Variants in ZBTB16 observed in about 807,000 individuals in gnomAD.
ZBTB16 encodes the protein zinc finger and BTB domain containing 16.
A neutral mutation model predicts 56.8 loss-of-function variants in ZBTB16; 8 were observed. The ratio of observed to expected loss-of-function variants is 0.14; its 90% CI spans 0.08 to 0.25. ZBTB16 has a LOEUF of 0.25. Ranked by LOEUF, ZBTB16 falls within the 10% of genes least tolerant of loss-of-function variation. The pLI is 1.00. For synonymous variants in ZBTB16, 363 were observed against 368.5 expected (o/e 0.98, Z 0.17); for missense variants, 625 against 903.0 (o/e 0.69, Z 3.95).
At chr11:114,204,341 T>C (rs541290109) in intron 4 of ZBTB16, among the ~76,000 whole-genome samples, 49 of 152,268 alleles carry the variant, frequency 3.2e-4, no homozygotes, top group African/African-American at 1.1e-3. Flanking sequence ...GGTTTCACCA[T>C]GTTGGCCAGG....
chr11:114,064,339 A>G lies in ZBTB16; in HGVS notation c.1039A>G (p.Ser347Gly), dbSNP rs1939026808. The G allele has an allele frequency of 6.2e-7, 1 of 1,613,914 alleles. No homozygotes were observed. The highest frequency in any genetic ancestry group is 8.5e-7 in the Non-Finnish European group (1 of 1,180,022). The change falls in exon 2 of 7, where the codon AGC becomes GGC. Residue 347 changes from serine (S) to glycine (G), a missense_variant. Ser to Gly is a moderately conservative substitution (Grantham distance 56). Transcript: ENST00000335953. The surrounding 1 kb of genome is among the most constrained non-coding windows in gnomAD (Gnocchi z 4.2). ...LPNHKADAVL[S>G]MPSSVTSGLH... Reference sequence around the variant, plus strand: ...CAACCACAAGGCTGACGCTGTATTGAGCATGCCGTCTTCCGTGACCTCTGG... The same window carrying G: ...CAACCACAAGGCTGACGCTGTATTGGGCATGCCGTCTTCCGTGACCTCTGG...
At chr11:114,094,344 A>G (rs1940303012) in intron 2 of ZBTB16, among the ~76,000 whole-genome samples, 1 of 152,238 alleles carries the variant, frequency 6.6e-6, no homozygotes, top group South Asian at 2.1e-4. Context: ...AACATTAAAA[A>G]ATTGACTTTT....
chr11:114,097,248 A>G (rs1940450708), intron 2 of ZBTB16, among the ~76,000 whole-genome samples: 1 of 152,222 alleles, frequency 6.6e-6, no homozygotes, highest in Non-Finnish European at 1.5e-5. Context: ...CTGTGCTTAT[A>G]TAAAGCAAAT....
At chr11:114,091,543 T>C (rs1334401392) in intron 2 of ZBTB16, among the ~76,000 whole-genome samples, 2 of 151,972 alleles carry the variant, frequency 1.3e-5, no homozygotes, top group African/African-American at 4.8e-5. Context: ...GTGAGGGTGG[T>C]TGCCACTTCT....
At chr11:114,203,074 A>C (rs1943772072) in intron 4 of ZBTB16, among the ~76,000 whole-genome samples, 1 of 152,386 alleles carries the variant, frequency 6.6e-6, no homozygotes, top group Middle Eastern at 3.4e-3. Flanking sequence ...CAGCTGATGC[A>C]TGGATATACA....
chr11:114,097,036 G>T (rs562801819), intron 2 of ZBTB16, among the ~76,000 whole-genome samples: 70 of 152,184 alleles, frequency 4.6e-4, no homozygotes, highest in South Asian at 1.2e-3. Context: ...GCCAAAAGGT[G>T]GAAATAATTC....
intron 2 of ZBTB16, among the ~76,000 whole-genome samples, chr11:114,094,503 TG>T (rs957676440): frequency 2.8e-4 from 42 of 152,172 alleles, no homozygotes; most frequent in African/African-American, 9.9e-4. Context: ...TGTGGCTGTT[TG>T]GGTGGCATCC....
In ZBTB16 at chr11:114,059,870, C is replaced by T. The variant is rs1009469569; in HGVS notation, c.-103C>T. ...GCACGCACACCCACCCCACAGTGCC[C>T]GGCTCGGCTGCGGTGAGTGAGGGGC... On this transcript the variant is annotated 5_prime_UTR_variant, in exon 1 of 7. Coordinates refer to ENST00000335953, the MANE Select transcript of ZBTB16 (RefSeq NM_006006.6). The surrounding 1 kb of genome is among the most constrained non-coding windows in gnomAD (Gnocchi z 5.3). The T allele has an allele frequency of 1.0e-5, 4 of 397,476 alleles. No individual in the cohort carries two copies. Among genetic ancestry groups the T allele is most frequent in the Admixed American group, 4.4e-5 (1 of 22,672 alleles). 24.6% of individuals were successfully genotyped at this position (397,476 alleles called of 1,614,324 possible).
intron 4 of ZBTB16, among the ~76,000 whole-genome samples, chr11:114,209,052 A>G (rs1943946132): frequency 1.3e-5 from 2 of 152,148 alleles, no homozygotes; most frequent in Admixed American, 1.3e-4. Context: ...AGAACCAACC[A>G]CTTGTGCAGG....
chr11:114,153,276 T>A (rs1319239168), intron 2 of ZBTB16, among the ~76,000 whole-genome samples: 4 of 152,202 alleles, frequency 2.6e-5, no homozygotes, highest in African/African-American at 9.7e-5. Flanking sequence ...GTGAGGTTGT[T>A]CCCTTTTTCT....
At chr11:114,240,814 G>C (rs1230702464) in intron 4 of ZBTB16, among the ~76,000 whole-genome samples, 1 of 152,192 alleles carries the variant, frequency 6.6e-6, no homozygotes, top group Non-Finnish European at 1.5e-5. Flanking sequence ...CAGCCAGTTA[G>C]AATTAAATGA....
At position 114,250,174 on chromosome 11, in the gene ZBTB16, T is replaced by G. The variant is rs1591816420; in HGVS notation, c.1793-152T>G. On this transcript the variant is annotated intron_variant, in intron 6 of 6. Coordinates refer to ENST00000335953, the MANE Select transcript of ZBTB16 (RefSeq NM_006006.6). The surrounding 1 kb of genome is among the most constrained non-coding windows in gnomAD (Gnocchi z 6.0). The stretch of plus-strand genomic sequence containing the variant: ...AGCCATGTGTGACTGGTGGCTGCCG[T>G]CTTGGGTGGTGCCTTCATTGTCCCA... 2.6e-6 allele frequency: 2 copies of G among 780,336 alleles called. No homozygotes were observed. Among genetic ancestry groups the G allele is most frequent in the Non-Finnish European group, 4.4e-6 (2 of 454,772 alleles). The allele number at this position is 780,336 out of a possible 1,614,324, so 48.3% of individuals were successfully genotyped here. A position where few individuals can be genotyped will look rare whatever the true frequency, so the allele number is the denominator to read the frequency against.
chr11:114,244,809 G>A (rs2135205593), intron 5 of ZBTB16, among the ~76,000 whole-genome samples: 1 of 152,158 alleles, frequency 6.6e-6, no homozygotes, highest in Non-Finnish European at 1.5e-5. Context: ...AAATTGTTAG[G>A]GACCCCTCTG....
rs56678900 is a variant in ZBTB16 at position 114,147,692 on chromosome 11, A to G, written c.1269-8645A>G. The stretch of plus-strand genomic sequence containing the variant: ...CAACTTTTCTGGTCTCTTAAAAGAA[A>G]AAGAAAAAGAAAAAACTACAAAAGT... On this transcript the variant is annotated intron_variant, in intron 2 of 6. Coordinates refer to ENST00000335953, the MANE Select transcript of ZBTB16 (RefSeq NM_006006.6). Among the ~76,000 whole-genome samples the G allele has an allele frequency of 6.7e-3, 1,020 of 152,326 alleles. 9 individuals are homozygous for G. The highest frequency in any genetic ancestry group is 0.023 in the African/African-American group (936 of 41,562).
chr11:114,132,015 G>C (rs972299865), intron 2 of ZBTB16, among the ~76,000 whole-genome samples: 2 of 152,062 alleles, frequency 1.3e-5, no homozygotes, highest in African/African-American at 4.8e-5. Context: ...GTGAAAGGGG[G>C]AGCGGCGGAA....
At chr11:114,157,120 C>T (rs2134960401) in intron 3 of ZBTB16, among the ~76,000 whole-genome samples, 1 of 152,280 alleles carries the variant, frequency 6.6e-6, no homozygotes, top group South Asian at 2.1e-4. Flanking sequence ...CCCTTGCCTT[C>T]CAACCTTGGA....
chr11:114,194,525 CT>C (rs1463178240), intron 4 of ZBTB16, among the ~76,000 whole-genome samples: 2 of 152,154 alleles, frequency 1.3e-5, no homozygotes, highest in Admixed American at 6.5e-5. Flanking sequence ...ACAACGAAGG[CT>C]TTGAGGAGAT....
chr11:114,075,694 C>T (rs1045634867), intron 2 of ZBTB16, among the ~76,000 whole-genome samples: 8 of 151,256 alleles, frequency 5.3e-5, no homozygotes, highest in African/African-American at 2.0e-4. Context: ...TGGTCTTGAA[C>T]TCCCGACCTC....
intron 2 of ZBTB16, among the ~76,000 whole-genome samples, chr11:114,147,381 T>A (rs1313717064): frequency 2.6e-5 from 4 of 152,248 alleles, no homozygotes; most frequent in African/African-American, 9.6e-5. Flanking sequence ...AGGAAAAGTC[T>A]GTAGCTTTTT....
Sources: allele counts gnomAD v4.1 joint callset (sites outside exome capture counted in the v4.1 genomes callset), GRCh38; gene constraint gnomAD v4.1.1; non-coding constraint Gnocchi (gnomAD v3.1); transcripts MANE v1.5; gene names NCBI Gene and HGNC (gene_info 2026-07-23, HGNC 2026-07-21).